GPC5: variants seen among roughly 807,000 people sequenced by gnomAD.
GPC5 encodes glypican-5.
A neutral mutation model predicts 53.9 loss-of-function variants in GPC5; 47 were observed. That is an observed-to-expected ratio of 0.87 (90% CI 0.69 to 1.11). GPC5 has a LOEUF of 1.11. Among genes scored for constraint, GPC5 ranks in the 50% most tolerant of loss-of-function variants. The pLI is 0.00. For missense variants in GPC5, 748 were observed against 713.1 expected (o/e 1.05, Z -0.56); for synonymous variants, 286 against 263.3 (o/e 1.09, Z -0.84).
intron 7 of GPC5, among the ~76,000 whole-genome samples, chr13:92,860,723 C>A (rs2138854920): frequency 6.6e-6 from 1 of 152,182 alleles, no homozygotes; most frequent in South Asian, 2.1e-4. Flanking sequence ...TTTGTCAAGT[C>A]AGTTTCCTCA....
intron 5 of GPC5, among the ~76,000 whole-genome samples, chr13:91,855,256 A>G (rs1031758292): frequency 6.6e-6 from 1 of 151,724 alleles, no homozygotes; most frequent in Non-Finnish European, 1.5e-5. Flanking sequence ...ATGAAACCAA[A>G]GAACAGGCAC....
In GPC5 at chr13:91,918,318, T is replaced by TATAA. The variant is rs1365223566; in HGVS notation, c.1401+10261_1401+10262insATAA. 3.9e-4 allele frequency among the ~76,000 whole-genome samples: 59 copies of TATAA among 152,180 alleles called. 1 individual carries two copies. The highest frequency in any genetic ancestry group is 7.6e-4 in the Non-Finnish European group (52 of 68,028). ...TAGAGATTATAATTCAAGATGAGAT[T>TATAA]TTGGGTGAGGACACAGCCAAGCCAT... On this transcript the variant is annotated intron_variant, in intron 6 of 7. Transcript: ENST00000377067.
rs546685212 is a variant in GPC5 at position 91,935,366 on chromosome 13, A to C, written c.1401+27309A>C. Among the ~76,000 whole-genome samples, 25 of 152,078 alleles carry C rather than the reference A, an allele frequency of 1.6e-4. No individual in the cohort carries two copies. The East Asian group carries it at 4.6e-3, about 28-fold the overall frequency. On this transcript the variant is annotated intron_variant, in intron 6 of 7. Transcript: ENST00000377067. Reference sequence around the variant, plus strand: ...GGAGATGATTAAGCCATGACTGCAGAGCCCTCATAATTGGAATTAGTGCTC... The same window carrying C: ...GGAGATGATTAAGCCATGACTGCAGCGCCCTCATAATTGGAATTAGTGCTC...
intron 2 of GPC5, among the ~76,000 whole-genome samples, chr13:91,630,422 C>T (rs2034126969): frequency 6.6e-6 from 1 of 152,060 alleles, no homozygotes; most frequent in South Asian, 2.1e-4. Context: ...CCCATTCTAC[C>T]CAGGTATAGA....
intron 7 of GPC5, among the ~76,000 whole-genome samples, chr13:92,196,920 A>G (rs1048321791): frequency 3.9e-5 from 6 of 152,208 alleles, no homozygotes; most frequent in Admixed American, 1.3e-4. Flanking sequence ...ACATGCTCCT[A>G]AGTTAAAATA....
At chr13:91,991,556 A>G (rs1304019747) in intron 6 of GPC5, among the ~76,000 whole-genome samples, 1 of 150,608 alleles carries the variant, frequency 6.6e-6, no homozygotes, top group Admixed American at 6.6e-5. Flanking sequence ...ATAAAGGAAG[A>G]ATTTTTTTTT....
Position 91,660,547 on chromosome 13 carries a change from A to T in GPC5, c.326-32640A>T, listed in dbSNP as rs1208770016. ...GACTCTTCCTGTAAGTTACTGTCTG[A>T]TTTCTGACAAATAGAATCTATGCAA... On this transcript the variant is annotated intron_variant, in intron 2 of 7. Transcript: ENST00000377067. Among the ~76,000 whole-genome samples, 3 of 152,314 alleles carry T rather than the reference A, an allele frequency of 2.0e-5. No homozygotes were observed. The East Asian group carries it at 5.8e-4, about 29-fold the overall frequency.
At chr13:91,896,117 ATTT>A (rs1185370619) in intron 5 of GPC5, among the ~76,000 whole-genome samples, 10 of 127,978 alleles carry the variant, frequency 7.8e-5, no homozygotes, top group Admixed American at 1.6e-4. Context: ...ATTTTTTCTA[ATTT>A]TTTTTTTTTT....
intron 1 of GPC5, among the ~76,000 whole-genome samples, chr13:91,403,407 A>G (rs1375882530): frequency 6.6e-6 from 1 of 152,210 alleles, no homozygotes; most frequent in Non-Finnish European, 1.5e-5. Context: ...GGTTTAATGA[A>G]GTGGGGCAAT....
Position 91,399,126 on chromosome 13 carries a change from T to G in GPC5, c.80T>G (p.Val27Gly). The G allele has an allele frequency of 7.4e-6, 12 of 1,612,320 alleles. No individual in the cohort carries two copies. The highest frequency in any genetic ancestry group is 9.3e-6 in the Non-Finnish European group (11 of 1,179,364). The change falls in exon 1 of 8, where the codon GTG (valine) becomes GGG (glycine). Residue 27 changes from valine to glycine, a missense_variant. By Grantham distance (109) the Val-to-Gly change is moderately radical. Transcript: ENST00000377067. The part of the protein sequence containing the change: ...ALVGSARSEG[V>G]QTCEEVRKLF... ...GTTGGGTCCGCCCGCAGCGAGGGCG[T>G]GCAGACCTGCGAAGAAGTTCGGAAA...
chr13:92,573,291 A>G (rs1238383590), intron 7 of GPC5, among the ~76,000 whole-genome samples: 1 of 152,218 alleles, frequency 6.6e-6, no homozygotes, highest in Non-Finnish European at 1.5e-5. Context: ...TGAGCATTTA[A>G]TAGGTTCATG....
intron 7 of GPC5, among the ~76,000 whole-genome samples, chr13:92,769,102 A>T (rs1875517834): frequency 6.6e-6 from 1 of 152,222 alleles, no homozygotes; most frequent in African/African-American, 2.4e-5. Flanking sequence ...TAATGAAACT[A>T]ATATCACTCA....
chr13:92,130,077 A>T (rs1408862922), intron 6 of GPC5, among the ~76,000 whole-genome samples: 1 of 152,150 alleles, frequency 6.6e-6, no homozygotes, highest in Admixed American at 6.5e-5. Context: ...AGCACAGATA[A>T]GTATTCCAAG....
intron 7 of GPC5, among the ~76,000 whole-genome samples, chr13:92,601,426 G>A (rs554620819): frequency 2.0e-5 from 3 of 151,666 alleles, no homozygotes; most frequent in Non-Finnish European, 2.9e-5. Flanking sequence ...ATGGTGGTAG[G>A]TGCCTGTAGT....
intron 7 of GPC5, among the ~76,000 whole-genome samples, chr13:92,439,594 G>T (rs1237365373): frequency 6.6e-6 from 1 of 152,020 alleles, no homozygotes; most frequent in African/African-American, 2.4e-5. Flanking sequence ...AGAGTGGAAG[G>T]GTATTGGATG....
At chr13:91,746,005 T>A (rs918933698) in intron 4 of GPC5, among the ~76,000 whole-genome samples, 1 of 152,218 alleles carries the variant, frequency 6.6e-6, no homozygotes, top group Non-Finnish European at 1.5e-5. Flanking sequence ...CTAAATATTT[T>A]GTCAAATAGA....
chr13:91,984,183 TG>T lies in GPC5; in HGVS notation c.1401+76128del, dbSNP rs560571116. On this transcript the variant is annotated intron_variant, in intron 6 of 7. Coordinates refer to ENST00000377067, the MANE Select transcript of GPC5 (RefSeq NM_004466.6). Reference sequence around the variant, plus strand: ...TTTAGCAATTATTATTGAGAAGTGATGGTTGCATTTTGTTGTTGTTATTACT... The same window carrying T: ...TTTAGCAATTATTATTGAGAAGTGATGTTGCATTTTGTTGTTGTTATTACT... 2.0e-5 allele frequency among the ~76,000 whole-genome samples: 3 copies of T among 152,318 alleles called. No homozygotes were observed. In the South Asian group the frequency reaches 6.2e-4, roughly 32 times the overall value.
intron 7 of GPC5, among the ~76,000 whole-genome samples, chr13:92,198,380 T>G (rs1259415322): frequency 6.6e-6 from 1 of 152,156 alleles, no homozygotes; most frequent in Non-Finnish European, 1.5e-5. Flanking sequence ...GATACCTCAT[T>G]GACAGATCAT....
At chr13:92,671,506 A>G (rs1886750280) in intron 7 of GPC5, among the ~76,000 whole-genome samples, 1 of 152,166 alleles carries the variant, frequency 6.6e-6, no homozygotes, top group South Asian at 2.1e-4. Flanking sequence ...TCTGTTAGGA[A>G]ACAGTCAAGA....
Sources: gnomAD v4.1 joint callset for allele counts (sites outside exome capture counted in the v4.1 genomes callset) on GRCh38, gnomAD v4.1.1 for gene constraint, MANE v1.5 for transcripts, NCBI Gene and HGNC (gene_info 2026-07-23, HGNC 2026-07-21) for gene names.